CUBN: variants seen among roughly 807,000 people sequenced by gnomAD.
CUBN encodes the protein cubilin, also known as 460 kDa receptor.
In CUBN, 282 loss-of-function variants were observed where a neutral mutation model predicts 405.3. The observed-to-expected ratio is 0.70, with a 90% CI of 0.63 to 0.77. CUBN has a LOEUF of 0.77. CUBN is among the 30% of genes least tolerant of loss of function. The pLI is 0.00. For missense variants in CUBN, 4,514 were observed against 4,475.2 expected (o/e 1.01, Z -0.25); for synonymous variants, 1,684 against 1,617.0 (o/e 1.04, Z -0.99).
chr10:16,888,786 T>C (rs1840902318), intron 55 of CUBN, among the ~76,000 whole-genome samples: 1 of 152,236 alleles, frequency 6.6e-6, no homozygotes, highest in Non-Finnish European at 1.5e-5. Context: ...TGCAGAGTTT[T>C]ATGGACTGAG....
At chr10:17,069,218 C>A (rs1175892126) in intron 19 of CUBN, among the ~76,000 whole-genome samples, 1 of 152,050 alleles carries the variant, frequency 6.6e-6, no homozygotes, top group African/African-American at 2.4e-5. Flanking sequence ...TAAGTTGTTT[C>A]TACTTTTAAA....
chr10:16,891,998 A>G (rs571600667), intron 54 of CUBN, among the ~76,000 whole-genome samples: 30 of 152,222 alleles, frequency 2.0e-4, no homozygotes, highest in Non-Finnish European at 4.4e-4. Context: ...TTCACATGGA[A>G]TGATACCAAA....
intron 22 of CUBN, among the ~76,000 whole-genome samples, chr10:17,052,425 A>T (rs967213004): frequency 6.6e-6 from 1 of 152,136 alleles, no homozygotes; most frequent in East Asian, 1.9e-4. Flanking sequence ...AGAATTAGTG[A>T]TTTAAAGCAA....
At chr10:17,122,761 ACTG>A (rs1837072517) in intron 6 of CUBN, 31 bp downstream of exon 6, 1 of 1,241,612 alleles carries the variant, frequency 8.1e-7, no homozygotes, top group Non-Finnish European at 1.2e-6. Flanking sequence ...TCAAAAATAT[ACTG>A]ATATTTACCA....
intron 11 of CUBN, 129 bp downstream of exon 11, chr10:17,105,328 T>C (rs1188207671): frequency 2.9e-5 from 22 of 765,050 alleles, no homozygotes; most frequent in Admixed American, 1.0e-4. Flanking sequence ...CATCTGAGAG[T>C]TCTCGACAGT....
intron 2 of CUBN, 35 bp downstream of exon 2, chr10:17,129,086 T>C (rs750289458): frequency 1.9e-6 from 3 of 1,572,066 alleles, no homozygotes; most frequent in Non-Finnish European, 2.6e-6. Context: ...TATATGGATA[T>C]ACAAAATGAC....
intron 62 of CUBN, among the ~76,000 whole-genome samples, chr10:16,838,083 C>T (rs1338780468): frequency 6.6e-6 from 1 of 152,162 alleles, no homozygotes; most frequent in Non-Finnish European, 1.5e-5. Flanking sequence ...AAAACCATTA[C>T]CAATGGAATG....
chr10:16,870,355 T>C (rs1840315660), intron 58 of CUBN, among the ~76,000 whole-genome samples: 1 of 152,238 alleles, frequency 6.6e-6, no homozygotes, highest in Admixed American at 6.5e-5. Context: ...CTCATTTTCC[T>C]CTTTTAAAAT....
rs1228774621 is a variant in CUBN, at chr10:16,836,454, C to T, written c.10033-72G>A. 27 of 1,370,958 alleles carry T rather than the reference C, an allele frequency of 2.0e-5. No homozygotes were observed. The East Asian group carries it at 5.7e-4, about 29-fold the overall frequency. 84.9% of individuals were successfully genotyped at this position (1,370,958 alleles called of 1,614,324 possible). On this transcript the variant is annotated intron_variant, in intron 62 of 66. Coordinates refer to ENST00000377833, the MANE Select transcript of CUBN (RefSeq NM_001081.4). ...AGAACAGGCCATAACAGAAATTAGA[C>T]TGCATATAAAAGCATGGTGTAAATA...
At chr10:16,926,855 G>A (rs1842206294) in intron 41 of CUBN, among the ~76,000 whole-genome samples, 1 of 146,636 alleles carries the variant, frequency 6.8e-6, no homozygotes, top group South Asian at 2.1e-4. Context: ...AGTCTAATTG[G>A]GATACAAGTG....
intron 27 of CUBN, chr10:17,023,724 T>A (rs758302221): frequency 2.5e-6 from 1 of 405,392 alleles, no homozygotes; most frequent in Non-Finnish European, 5.1e-6. Context: ...AAGTTCTAAT[T>A]GAGTTACAGA....
intron 54 of CUBN, among the ~76,000 whole-genome samples, chr10:16,897,801 G>C (rs963869340): frequency 6.6e-6 from 1 of 152,064 alleles, no homozygotes; most frequent in Non-Finnish European, 1.5e-5. Context: ...TGCTTCCCAC[G>C]GCCACTTATT....
At chr10:17,084,584 C>T in intron 16 of CUBN, 123 bp from the exon 17 acceptor site, 1 of 813,766 alleles carries the variant, frequency 1.2e-6, no homozygotes, top group Non-Finnish European at 2.1e-6. Flanking sequence ...CCATTTTATT[C>T]ACCCTCTATA....
chr10:17,072,230 G>A (rs1021471840), intron 17 of CUBN, among the ~76,000 whole-genome samples: 3 of 152,060 alleles, frequency 2.0e-5, no homozygotes, highest in Non-Finnish European at 4.4e-5. Context: ...TTTTCACAAT[G>A]TCAAAGAGGA....
chr10:16,967,371 G>A (rs1429956529), intron 31 of CUBN, among the ~76,000 whole-genome samples: 5 of 152,132 alleles, frequency 3.3e-5, no homozygotes, highest in African/African-American at 4.8e-5. Flanking sequence ...TAAGATGCTC[G>A]TTTTACTTTC....
At chr10:16,894,682 G>A (rs1051696874) in intron 54 of CUBN, among the ~76,000 whole-genome samples, 3 of 152,124 alleles carry the variant, frequency 2.0e-5, no homozygotes, top group Non-Finnish European at 2.9e-5. Flanking sequence ...AGCCATTGAA[G>A]GGTCTCTGCC....
At chr10:16,992,798 T>C (rs1833631820) in intron 28 of CUBN, among the ~76,000 whole-genome samples, 1 of 152,240 alleles carries the variant, frequency 6.6e-6, no homozygotes, top group Non-Finnish European at 1.5e-5. Context: ...CCGGCTTTTA[T>C]TTCTAAAGCC....
At chr10:17,082,809 T>C (rs1836002389) in intron 17 of CUBN, among the ~76,000 whole-genome samples, 1 of 152,164 alleles carries the variant, frequency 6.6e-6, no homozygotes, top group Non-Finnish European at 1.5e-5. Flanking sequence ...TTGCTAGACA[T>C]GTAACCATGG....
intron 45 of CUBN, 105 bp from the exon 46 acceptor site, chr10:16,916,135 CT>C: frequency 9.7e-7 from 1 of 1,031,536 alleles, no homozygotes; most frequent in Non-Finnish European, 1.4e-6. Context: ...CATTTGAAAA[CT>C]TTTAGGTGCC....
Sources: allele counts gnomAD v4.1 joint callset (sites outside exome capture counted in the v4.1 genomes callset), GRCh38; gene constraint gnomAD v4.1.1; transcripts MANE v1.5; gene names NCBI Gene and HGNC (gene_info 2026-07-23, HGNC 2026-07-21).